FXYD6: variants seen among roughly 807,000 people sequenced by gnomAD.
FXYD6 encodes the protein FXYD domain-containing ion transport regulator 6.
Under a neutral mutation model 16.7 loss-of-function variants are expected in FXYD6, and 7 were observed. That is an observed-to-expected ratio of 0.42 (90% CI 0.24 to 0.79). The LOEUF is 0.79. Ranked by LOEUF, FXYD6 falls within the 30% of genes least tolerant of loss-of-function variation. The pLI, the probability that FXYD6 is intolerant of heterozygous loss-of-function variation, is 0.28. For synonymous variants in FXYD6, 49 were observed against 43.0 expected, an observed-to-expected ratio of 1.14 and a Z score of -0.54; for missense variants, 111 against 116.2, an observed-to-expected ratio of 0.95 and a Z score of 0.21.
upstream of FXYD6, chr11:117,876,784 C>A (rs1490854186): frequency 6.6e-6 from 1 of 152,014 alleles, no homozygotes; most frequent in South Asian, 2.1e-4. Flanking sequence ...GGGCTGGGCT[C>A]GGGGACAGCC....
Position 117,838,184 on chromosome 11 carries a change from C to T in FXYD6, c.*115G>A. On this transcript the variant is annotated 3_prime_UTR_variant, in exon 8 of 8. Coordinates refer to ENST00000526014, the MANE Select transcript of FXYD6 (RefSeq NM_022003.4). ...TGGGGGACACACAAGTTCTTGGCTT[C>T]TCCTGGGGAAAGGGCTGTTGCTGAA... 1.4e-6 allele frequency: 1 copy of T among 702,186 alleles called. No individual in the cohort carries two copies. The highest frequency in any genetic ancestry group is 1.5e-5 in the South Asian group (1 of 67,572). The allele number at this position is 702,186 out of a possible 1,614,324, so 43.5% of individuals were successfully genotyped here. A position where few individuals can be genotyped will look rare whatever the true frequency, so the allele number is the denominator to read the frequency against.
At chr11:117,841,486 G>C in intron 4 of FXYD6, 1 of 589,010 alleles carries the variant, frequency 1.7e-6, no homozygotes, top group Non-Finnish European at 3.0e-6. Context: ...CGCACACTAG[G>C]GCAGCACCTG....
chr11:117,858,675 CTTTCTTTCTTTCTTTCTTTCTTTCTT>C (rs1278926632), intron 1 of FXYD6, among the ~76,000 whole-genome samples: 105 of 86,218 alleles, frequency 1.2e-3, no homozygotes, highest in African/African-American at 5.3e-3. Context: ...TTCTTTCTTT[CTTTCTTTCTTTCTTTCTTTCTTTCTT>C]TCTCTCTCTC....
At chr11:117,841,311 G>A in intron 4 of FXYD6, 127 bp from the exon 5 acceptor site, 1 of 1,232,664 alleles carries the variant, frequency 8.1e-7, no homozygotes, top group East Asian at 2.5e-5. Flanking sequence ...AGTTTGCACA[G>A]CTGCACACAG....
At chr11:117,867,579 G>A (rs1474679392) in intron 1 of FXYD6, among the ~76,000 whole-genome samples, 2 of 152,118 alleles carry the variant, frequency 1.3e-5, no homozygotes, top group African/African-American at 2.4e-5. Flanking sequence ...ATTCGGTGGT[G>A]CCTCTACGTC....
intron 1 of FXYD6, among the ~76,000 whole-genome samples, chr11:117,865,820 G>A (rs1048287077): frequency 6.6e-6 from 1 of 152,044 alleles, no homozygotes; most frequent in African/African-American, 2.4e-5. Flanking sequence ...CCAGCTACCC[G>A]GGAGGCTGAG....
intron 7 of FXYD6, chr11:117,838,738 G>C (rs990144673): frequency 2.5e-4 from 47 of 186,744 alleles, no homozygotes; most frequent in African/African-American, 1.1e-3. Context: ...ACTTGCCTTC[G>C]AGAGCCCCAT....
At chr11:117,846,449 T>A (rs1325007929) in intron 1 of FXYD6, among the ~76,000 whole-genome samples, 1 of 152,248 alleles carries the variant, frequency 6.6e-6, no homozygotes, top group Non-Finnish European at 1.5e-5. Context: ...TCTTAAGACA[T>A]CCTTTGTCAC....
At chr11:117,863,529 C>T (rs972449507) in intron 1 of FXYD6, among the ~76,000 whole-genome samples, 8 of 150,246 alleles carry the variant, frequency 5.3e-5, no homozygotes, top group Admixed American at 3.3e-4. Context: ...AAAGACTTAA[C>T]GCTTTTCCTC....
At chr11:117,867,015 G>C (rs544870900) in intron 1 of FXYD6, among the ~76,000 whole-genome samples, 1 of 152,288 alleles carries the variant, frequency 6.6e-6, no homozygotes, top group South Asian at 2.1e-4. Flanking sequence ...ATCACTACAA[G>C]AGAAATACTC....
intron 1 of FXYD6, among the ~76,000 whole-genome samples, chr11:117,874,105 A>C (rs1157823471): frequency 6.6e-6 from 1 of 152,068 alleles, no homozygotes. Flanking sequence ...AGTTTCCCCC[A>C]CTGTGTTCCC....
chr11:117,870,311 A>C lies in FXYD6; in HGVS notation c.-6+6281T>G, dbSNP rs1474883210. 2.0e-5 allele frequency among the ~76,000 whole-genome samples: 3 copies of C among 152,274 alleles called. No individual in the cohort carries two copies. The East Asian group carries it at 5.8e-4, about 29-fold the overall frequency. On this transcript the variant is annotated intron_variant, in intron 1 of 7. Transcript: ENST00000526014. The surrounding 1 kb of genome is among the most constrained non-coding windows in gnomAD (Gnocchi z 4.2). ...GTGAGTGGTATTGCACAGAAGCCACAGGCTGGGGCCCCAGCAGGCTGCACG... is the reference window on the plus strand; with the variant it reads ...GTGAGTGGTATTGCACAGAAGCCACCGGCTGGGGCCCCAGCAGGCTGCACG...
intron 1 of FXYD6, among the ~76,000 whole-genome samples, chr11:117,865,219 T>A (rs1025179449): frequency 6.6e-6 from 1 of 151,862 alleles, no homozygotes; most frequent in Non-Finnish European, 1.5e-5. Context: ...AAATAACAAG[T>A]GTTGGTGAGG....
In FXYD6 at chr11:117,848,490, C is replaced by A. The variant is rs1338098502; in HGVS notation, c.-5-5709G>T. 3.3e-5 allele frequency among the ~76,000 whole-genome samples: 5 copies of A among 151,410 alleles called. No individual in the cohort carries two copies. In the East Asian group the frequency reaches 9.7e-4, roughly 29 times the overall value. On this transcript the variant is annotated intron_variant, in intron 1 of 7. Transcript: ENST00000526014. ...TATGTGCATGAGTGAGATTGGTCTG[C>A]AGTTTTTATTTTATTGTATTAACCT...
intron 1 of FXYD6, among the ~76,000 whole-genome samples, chr11:117,871,894 C>T (rs1565333102): frequency 6.6e-6 from 1 of 152,218 alleles, no homozygotes; most frequent in Non-Finnish European, 1.5e-5. Context: ...CCACCCTCTA[C>T]TCGGCACATT....
chr11:117,861,280 A>G (rs1354715749), intron 1 of FXYD6, among the ~76,000 whole-genome samples: 5 of 152,154 alleles, frequency 3.3e-5, no homozygotes, highest in African/African-American at 7.2e-5. Flanking sequence ...GCTAAAAGAC[A>G]TGGTAGGAAA....
At chr11:117,840,268 G>A (rs1226886059) in intron 6 of FXYD6, 51 bp downstream of exon 6, 1 of 1,612,184 alleles carries the variant, frequency 6.2e-7, no homozygotes, top group Non-Finnish European at 8.5e-7. Flanking sequence ...GCCACAGAGG[G>A]GTCTCTCTGT....
intron 1 of FXYD6, among the ~76,000 whole-genome samples, chr11:117,848,781 C>T (rs1355579764): frequency 6.6e-6 from 1 of 152,078 alleles, no homozygotes; most frequent in African/African-American, 2.4e-5. Flanking sequence ...GGAATTTTCC[C>T]TTTTCTGCTT....
Position 117,872,839 on chromosome 11 carries a change from T to C in FXYD6, c.-6+3753A>G, listed in dbSNP as rs1046113264. Among the ~76,000 whole-genome samples, 2 of 152,208 alleles carry C rather than the reference T, an allele frequency of 1.3e-5. No individual in the cohort carries two copies. The highest frequency in any genetic ancestry group is 4.8e-5 in the African/African-American group (2 of 41,452). ...AGATGATGCTGCCAAATTGGTTCCA[T>C]GCTTTTGTTTCGGCCGGAGATGTCC... is the stretch of plus-strand genomic sequence containing the variant. On this transcript the variant is annotated intron_variant, in intron 1 of 7. Transcript: ENST00000526014. This position sits in a 1 kb window ranked among gnomAD's most constrained non-coding sequence, Gnocchi z 4.9.
Sources: allele counts gnomAD v4.1 joint callset (sites outside exome capture counted in the v4.1 genomes callset), GRCh38; gene constraint gnomAD v4.1.1; non-coding constraint Gnocchi (gnomAD v3.1); transcripts MANE v1.5; gene names NCBI Gene and HGNC (gene_info 2026-07-23, HGNC 2026-07-21).